The following VPS8 variants were observed in gnomAD, a reference collection of about 807,000 sequenced individuals.
VPS8 encodes the protein VPS8 subunit of CORVET complex.
A neutral mutation model predicts 216.4 loss-of-function variants in VPS8; 129 were observed. The ratio of observed to expected loss-of-function variants is 0.60; its 90% CI spans 0.52 to 0.69. The LOEUF is 0.69. Among genes scored for constraint, VPS8 ranks in the 30% least tolerant of loss-of-function variants. The probability of loss-of-function intolerance (pLI) is 0.00; values close to 1 mark genes in which losing one functional copy is unlikely to be tolerated. For synonymous variants in VPS8, 571 were observed against 565.4 expected (o/e 1.01, Z -0.14); for missense variants, 1,531 against 1,683.5 (o/e 0.91, Z 1.59).
chr3:185,034,970 C>G (rs1164984084), intron 46 of VPS8, among the ~76,000 whole-genome samples: 1 of 152,118 alleles, frequency 6.6e-6, no homozygotes, highest in Non-Finnish European at 1.5e-5. Context: ...AGGAACAACT[C>G]TATACACACA....
chr3:184,840,735 C>T (rs6443998), intron 7 of VPS8, among the ~76,000 whole-genome samples: 15,690 of 151,742 alleles, frequency 0.1, 2,071 homozygotes, highest in African/African-American at 0.31. Context: ...TAATAATAAA[C>T]AAAAAACTAT....
chr3:184,966,112 G>A (rs1310022102), intron 38 of VPS8, among the ~76,000 whole-genome samples: 1 of 152,126 alleles, frequency 6.6e-6, no homozygotes, highest in Non-Finnish European at 1.5e-5. Flanking sequence ...CTTCTGGTGA[G>A]GACCTCAGGA....
rs778617044 is a variant in VPS8, at chr3:185,005,629, A to AT, written c.4002+5771dup. Reference sequence around the variant, plus strand: ...TATTCCTAAGTATTTTATTTATTTTATTTATTTATTTATTTATTTATTTAT... The same window carrying AT: ...TATTCCTAAGTATTTTATTTATTTTATTTTATTTATTTATTTATTTATTTAT... On this transcript the variant is annotated intron_variant, in intron 45 of 47. Transcript: ENST00000625842. Among the ~76,000 whole-genome samples the AT allele has an allele frequency of 6.1e-5, 9 of 147,774 alleles. No individual in the cohort carries two copies. In the South Asian group the frequency reaches 1.7e-3, roughly 27 times the overall value.
In VPS8 at chr3:184,834,699, A is replaced by C; in HGVS notation, c.404A>C (p.His135Pro). The part of the protein sequence containing the change: ...SFSLHGSVMR[H>P]SLLKGISAQI... Reference sequence around the variant, plus strand: ...TCACTTCATGGATCAGTTATGCGCCATTCACTTTTGAAGGGAATTTCTGCC... The same window carrying C: ...TCACTTCATGGATCAGTTATGCGCCCTTCACTTTTGAAGGGAATTTCTGCC... The change falls in exon 5 of 48, where the codon CAT becomes CCT. Residue 135 changes from histidine to proline, a missense_variant. Transcript: ENST00000625842. 1 of 1,564,164 alleles carries C rather than the reference A, an allele frequency of 6.4e-7. No homozygotes were observed. The highest frequency in any genetic ancestry group is 8.7e-7 in the Non-Finnish European group (1 of 1,152,996).
chr3:184,826,800 A>G (rs1718886661), intron 3 of VPS8, among the ~76,000 whole-genome samples: 1 of 152,244 alleles, frequency 6.6e-6, no homozygotes, highest in Non-Finnish European at 1.5e-5. Flanking sequence ...ACATGAAGAA[A>G]ACTAATCTTT....
intron 27 of VPS8, 122 bp from the exon 28 acceptor site, chr3:184,915,233 A>T: frequency 7.2e-7 from 1 of 1,390,120 alleles, no homozygotes; most frequent in Non-Finnish European, 9.7e-7. Flanking sequence ...AGAGAACTTA[A>T]AATACAGTAG....
intron 14 of VPS8, among the ~76,000 whole-genome samples, chr3:184,856,376 G>T (rs966137772): frequency 6.6e-6 from 1 of 152,196 alleles, no homozygotes; most frequent in Non-Finnish European, 1.5e-5. Context: ...GAGTATTAAT[G>T]GCTTTATGAA....
At chr3:184,982,528 C>A in intron 40 of VPS8, 38 bp from the exon 41 acceptor site, 1 of 1,484,436 alleles carries the variant, frequency 6.7e-7, no homozygotes, top group Non-Finnish European at 9.3e-7. Flanking sequence ...TTTTCTTTGA[C>A]CACTTTTCTT....
intron 23 of VPS8, among the ~76,000 whole-genome samples, chr3:184,895,910 A>G (rs1454268716): frequency 6.6e-6 from 1 of 151,574 alleles, no homozygotes; most frequent in Non-Finnish European, 1.5e-5. Flanking sequence ...CTGAGATTAT[A>G]GGTGTGAGCC....
chr3:184,863,185 T>A lies in VPS8; in HGVS notation c.1395+118T>A, dbSNP rs560448021. 12 of 1,254,880 alleles carry A rather than the reference T, an allele frequency of 9.6e-6. No individual in the cohort carries two copies. The South Asian group carries it at 1.5e-4, about 16-fold the overall frequency. 77.7% of individuals were successfully genotyped at this position (1,254,880 alleles called of 1,614,324 possible). ...GTTACCTTTTTCTGTCTTGAGGTGT[T>A]TCTTTACAAGCCACTAGGTTGAAGT... is the stretch of plus-strand genomic sequence containing the variant. On this transcript the variant is annotated intron_variant, in intron 16 of 47. Transcript: ENST00000625842.
chr3:184,977,647 C>A (rs562054457), intron 40 of VPS8, among the ~76,000 whole-genome samples: 1 of 151,562 alleles, frequency 6.6e-6, no homozygotes, highest in South Asian at 2.1e-4. Context: ...ACATAGTTCC[C>A]TAGTTTCATT....
At chr3:185,048,416 G>A in intron 46 of VPS8, 63 bp from the exon 47 acceptor site, 3 of 1,505,838 alleles carry the variant, frequency 2.0e-6, no homozygotes, top group South Asian at 2.3e-5. Context: ...GCATCGTGTA[G>A]AGCAAGTTGA....
intron 21 of VPS8, among the ~76,000 whole-genome samples, chr3:184,875,056 CTTTTTTTT>C (rs5855044): frequency 3.0e-5 from 3 of 100,290 alleles, no homozygotes; most frequent in Non-Finnish European, 5.7e-5. Flanking sequence ...GTTTTTAAAA[CTTTTTTTT>C]TTTTTTTTTT....
intron 39 of VPS8, among the ~76,000 whole-genome samples, chr3:184,967,106 A>G (rs554796908): frequency 6.6e-6 from 1 of 152,170 alleles, no homozygotes; most frequent in East Asian, 1.9e-4. Flanking sequence ...AGCTGGGACT[A>G]CAGGCGTATG....
In VPS8 at chr3:184,849,146, G is replaced by C. The variant is rs1460666864; in HGVS notation, c.617G>C (p.Ser206Thr). Residue 206 changes from serine to threonine, a missense_variant, in exon 9 of 48, where the codon AGT becomes ACT. Transcript: ENST00000625842. ...GGQYGAISAL[S>T]INNDCSRLLC... ...CAGTATGGCGCTATCTCTGCCCTCA[G>C]TATCAACAATGATTGCTCAAGACTT... 6.2e-7 allele frequency: 1 copy of C among 1,613,504 alleles called. No individual in the cohort carries two copies. The highest frequency in any genetic ancestry group is 8.5e-7 in the Non-Finnish European group (1 of 1,179,632).
intron 36 of VPS8, 45 bp downstream of exon 36, chr3:184,940,288 A>ATG: frequency 1.2e-6 from 1 of 802,530 alleles, no homozygotes; most frequent in East Asian, 4.3e-5. Flanking sequence ...ATATATATAT[A>ATG]TGAGAAATAA....
At chr3:185,002,410 G>T (rs1448730200) in intron 45 of VPS8, among the ~76,000 whole-genome samples, 2 of 152,048 alleles carry the variant, frequency 1.3e-5, no homozygotes, top group Non-Finnish European at 2.9e-5. Context: ...CTACCTTCTC[G>T]AGCATCAAGA....
intron 45 of VPS8, among the ~76,000 whole-genome samples, chr3:185,018,592 C>T (rs549781943): frequency 6.6e-6 from 1 of 152,298 alleles, no homozygotes; most frequent in Admixed American, 6.5e-5. Context: ...TAGACAAGCT[C>T]GAATAAGAGC....
intron 1 of VPS8, among the ~76,000 whole-genome samples, chr3:184,815,286 C>T (rs1173309074): frequency 6.6e-6 from 1 of 152,146 alleles, no homozygotes; most frequent in Non-Finnish European, 1.5e-5. Context: ...ATGTACTGCA[C>T]ATAATTGTAT....
Sources: allele counts gnomAD v4.1 joint callset (sites outside exome capture counted in the v4.1 genomes callset), GRCh38; gene constraint gnomAD v4.1.1; transcripts MANE v1.5; gene names NCBI Gene and HGNC (gene_info 2026-07-23, HGNC 2026-07-21).